The following FAM111B variants were observed in gnomAD, a reference collection of about 807,000 sequenced individuals.
The protein encoded by FAM111B is serine protease FAM111B.
Under a neutral mutation model 2.8 loss-of-function variants are expected in FAM111B, and 1 was observed. The observed-to-expected ratio is 0.36, with a 90% CI of 0.13 to 1.70. The LOEUF is 1.70. Among genes scored for constraint, FAM111B ranks in the 40% most tolerant of loss-of-function variants. The probability of loss-of-function intolerance (pLI) is 0.35; values close to 1 mark genes in which losing one functional copy is unlikely to be tolerated. For synonymous variants in FAM111B, 297 were observed against 295.6 expected (o/e 1.00, Z -0.05); for missense variants, 882 against 878.9 (o/e 1.00, Z -0.04).
chr11:59,125,655 A>G lies in FAM111B; in HGVS notation c.1558A>G (p.Thr520Ala), dbSNP rs759663852. The change falls in exon 4 of 4, where the codon ACA (threonine) becomes GCA (alanine). Residue 520 changes from threonine to alanine, a missense_variant. Coordinates refer to ENST00000343597, the MANE Select transcript of FAM111B (RefSeq NM_198947.4). ...ATGTGCGAAGGTAACCTTCACTTAT[A>G]CAGAGTTCTGCCCTACTCCTGACAA... ...SKCAKVTFTY[T>A]EFCPTPDNWF... The G allele has an allele frequency of 1.9e-6, 3 of 1,613,972 alleles. No homozygotes were observed. In the Admixed American group the frequency reaches 5.0e-5, roughly 27 times the overall value.
intron 3 of FAM111B, among the ~76,000 whole-genome samples, chr11:59,111,349 T>C (rs1027651492): frequency 3.9e-5 from 6 of 152,210 alleles, no homozygotes; most frequent in Non-Finnish European, 7.4e-5. Context: ...AGAATAGCTT[T>C]CTGGAAAATA....
At chr11:59,116,064 G>C (rs1859837051) in intron 3 of FAM111B, among the ~76,000 whole-genome samples, 1 of 152,130 alleles carries the variant, frequency 6.6e-6, no homozygotes, top group African/African-American at 2.4e-5. Flanking sequence ...ATCTCACTTT[G>C]GGAATGCTGT....
intron 3 of FAM111B, among the ~76,000 whole-genome samples, chr11:59,123,403 G>A (rs1304354153): frequency 1.3e-5 from 2 of 152,190 alleles, no homozygotes; most frequent in Non-Finnish European, 2.9e-5. Context: ...CAGCTGGAGA[G>A]AAGAGATGGG....
chr11:59,112,389 C>A (rs889085492), intron 3 of FAM111B, among the ~76,000 whole-genome samples: 5 of 152,100 alleles, frequency 3.3e-5, no homozygotes, highest in Non-Finnish European at 5.9e-5. Flanking sequence ...GTATCAAAAT[C>A]TGTTTATCCA....
rs779704985 is a variant in FAM111B at position 59,124,589 on chromosome 11, G to C, written c.492G>C (p.Lys164Asn). Residue 164 changes from lysine to asparagine, a missense_variant, in exon 4 of 4, where the codon AAG becomes AAC. Coordinates refer to ENST00000343597, the MANE Select transcript of FAM111B (RefSeq NM_198947.4). ...SHFKITFGQR[K>N]SSKEDGHILR... ...TTAAAATTACATTTGGTCAAAGAAA[G>C]AGTAGCAAAGAAGATGGACACATAT... 2 of 1,613,766 alleles carry C rather than the reference G, an allele frequency of 1.2e-6. No homozygotes were observed. The highest frequency in any genetic ancestry group is 1.7e-6 in the Non-Finnish European group (2 of 1,179,810).
rs1176695074 is a variant in FAM111B at position 59,127,207 on chromosome 11, G to A, written c.*905G>A. 1 of 152,102 alleles carries A rather than the reference G, an allele frequency of 6.6e-6. No individual in the cohort carries two copies. Among genetic ancestry groups the A allele is most frequent in the Non-Finnish European group, 1.5e-5 (1 of 68,012 alleles). 9.4% of individuals were successfully genotyped at this position (152,102 alleles called of 1,614,324 possible). A position where few individuals can be genotyped will look rare whatever the true frequency, so the allele number is the denominator to read the frequency against. On this transcript the variant is annotated 3_prime_UTR_variant, in exon 4 of 4. Coordinates refer to ENST00000343597, the MANE Select transcript of FAM111B (RefSeq NM_198947.4). ...ATTGAGTACACATGGACACAAAGAA[G>A]AAAACAACAGATATGGGGCCTACTT...
intron 3 of FAM111B, among the ~76,000 whole-genome samples, chr11:59,121,516 C>A (rs1224611870): frequency 6.6e-6 from 1 of 152,092 alleles, no homozygotes; most frequent in Non-Finnish European, 1.5e-5. Context: ...GGTGGTACAA[C>A]CATTATGTTA....
rs1859975877 is a variant in FAM111B, at chr11:59,124,430, G to A, written c.333G>A (p.Leu111=). The A allele has an allele frequency of 1.2e-6, 2 of 1,613,524 alleles. No individual in the cohort carries two copies. Among genetic ancestry groups the A allele is most frequent in the East Asian group, 2.2e-5 (1 of 44,886 alleles). Residue 111 remains leucine (L), a synonymous_variant, in exon 4 of 4, where the codon CTG becomes CTA. Coordinates refer to ENST00000343597, the MANE Select transcript of FAM111B (RefSeq NM_198947.4). ...GKPSESIYSA[L]SANDYFSERI... ...CCAGCGAGAGTATCTACTCAGCCCT[G>A]AGTGCTAATGACTATTTCAGTGAAA...
Position 59,124,547 on chromosome 11 carries a change from G to A in FAM111B, c.450G>A (p.Leu150=). The change falls in exon 4 of 4, where the codon CTG becomes CTA. Residue 150 remains leucine (L), a synonymous_variant. Transcript: ENST00000343597. The part of the protein sequence containing the change: ...HINLGMPLKC[L]PSDSHFKITF... ...ATTTAGGAATGCCTCTCAAGTGCCT[G>A]CCTAGTGATTCTCATTTTAAAATTA... The A allele has an allele frequency of 6.2e-7, 1 of 1,613,556 alleles. No homozygotes were observed. Among genetic ancestry groups the A allele is most frequent in the Non-Finnish European group, 8.5e-7 (1 of 1,179,674 alleles).
Position 59,126,508 on chromosome 11 carries a change from G to A in FAM111B, c.*206G>A, listed in dbSNP as rs963893561. The A allele has an allele frequency of 1.2e-5, 5 of 418,160 alleles. 1 individual carries two copies. The highest frequency in any genetic ancestry group is 8.2e-5 in the Admixed American group (2 of 24,412). 25.9% of individuals were successfully genotyped at this position (418,160 alleles called of 1,614,324 possible). A position where few individuals can be genotyped will look rare whatever the true frequency, so the allele number is the denominator to read the frequency against. On this transcript the variant is annotated 3_prime_UTR_variant, in exon 4 of 4. Coordinates refer to ENST00000343597, the MANE Select transcript of FAM111B (RefSeq NM_198947.4). ...ATTTGCAAACTATGCATACAGCAAAGATCTAATATTCAGAATCCATTAGGA... is the reference window on the plus strand; with the variant it reads ...ATTTGCAAACTATGCATACAGCAAAAATCTAATATTCAGAATCCATTAGGA...
At chr11:59,112,318 G>A (rs187727212) in intron 3 of FAM111B, among the ~76,000 whole-genome samples, 65 of 152,310 alleles carry the variant, frequency 4.3e-4, no homozygotes. Context: ...AGATTCATGA[G>A]TGTTGCATGC....
In FAM111B at chr11:59,124,563, T is replaced by G; in HGVS notation, c.466T>G (p.Phe156Val). ...PLKCLPSDSH[F>V]KITFGQRKSS... ...CAAGTGCCTGCCTAGTGATTCTCATTTTAAAATTACATTTGGTCAAAGAAA... is the reference window on the plus strand; with the variant it reads ...CAAGTGCCTGCCTAGTGATTCTCATGTTAAAATTACATTTGGTCAAAGAAA... Residue 156 changes from phenylalanine (F) to valine (V), a missense_variant, in exon 4 of 4, where the codon TTT (phenylalanine) becomes GTT (valine). Coordinates refer to ENST00000343597, the MANE Select transcript of FAM111B (RefSeq NM_198947.4). The G allele has an allele frequency of 6.2e-7, 1 of 1,613,580 alleles. No homozygotes were observed. The highest frequency in any genetic ancestry group is 8.5e-7 in the Non-Finnish European group (1 of 1,179,658).
intron 3 of FAM111B, among the ~76,000 whole-genome samples, chr11:59,111,799 C>G (rs1859762516): frequency 6.6e-6 from 1 of 151,638 alleles, no homozygotes; most frequent in African/African-American, 2.4e-5. Flanking sequence ...AACTGTTCGT[C>G]TAGAAAATAG....
intron 3 of FAM111B, among the ~76,000 whole-genome samples, chr11:59,110,373 C>T (rs560181970): frequency 7.8e-4 from 119 of 152,104 alleles, no homozygotes; most frequent in South Asian, 3.7e-3. Context: ...TCATAGGTGT[C>T]GAAGTGGTTG....
At chr11:59,114,620 A>G (rs1859811531) in intron 3 of FAM111B, among the ~76,000 whole-genome samples, 1 of 152,224 alleles carries the variant, frequency 6.6e-6, no homozygotes, top group African/African-American at 2.4e-5. Context: ...CTAATTGGCC[A>G]GGACAGTGGT....
intron 3 of FAM111B, among the ~76,000 whole-genome samples, chr11:59,120,304 A>G (rs2135401144): frequency 6.6e-6 from 1 of 152,300 alleles, no homozygotes; most frequent in Middle Eastern, 3.4e-3. Flanking sequence ...AGATGTGACA[A>G]TATCTTTGTA....
At chr11:59,122,127 G>A (rs1859932758) in intron 3 of FAM111B, among the ~76,000 whole-genome samples, 1 of 152,212 alleles carries the variant, frequency 6.6e-6, no homozygotes, top group Admixed American at 6.5e-5. Context: ...GGGCGACAGA[G>A]CGAGACTCCG....
chr11:59,122,417 T>G (rs890295566), intron 3 of FAM111B, among the ~76,000 whole-genome samples: 1 of 152,212 alleles, frequency 6.6e-6, no homozygotes, highest in Non-Finnish European at 1.5e-5. Context: ...GTGCTATTTC[T>G]TAGGTTGGGA....
chr11:59,126,100 G>A lies in FAM111B; in HGVS notation c.2003G>A (p.Gly668Glu). The A allele has an allele frequency of 1.2e-6, 2 of 1,613,398 alleles. No homozygotes were observed. Among genetic ancestry groups the A allele is most frequent in the Non-Finnish European group, 8.5e-7 (1 of 1,179,648 alleles). Residue 668 changes from glycine to glutamate, a missense_variant, in exon 4 of 4, where the codon GGG becomes GAG. Coordinates refer to ENST00000343597, the MANE Select transcript of FAM111B (RefSeq NM_198947.4). ...AAATTGGTTGCTTTGCATACCTTTG[G>A]GCTTTTTTATCAACGAGGATTTAAT... is the stretch of plus-strand genomic sequence containing the variant. Reference protein sequence around the residue: ...SGKLVALHTFGLFYQRGFNVH... With the variant: ...SGKLVALHTFELFYQRGFNVH...
Sources: gnomAD v4.1 joint callset for allele counts (sites outside exome capture counted in the v4.1 genomes callset) on GRCh38, gnomAD v4.1.1 for gene constraint, MANE v1.5 for transcripts, NCBI Gene and HGNC (gene_info 2026-07-23, HGNC 2026-07-21) for gene names.